Variants in MIDN observed in about 807,000 individuals in gnomAD.
MIDN encodes the protein midnolin.
A neutral mutation model predicts 46.1 loss-of-function variants in MIDN; 26 were observed. That is an observed-to-expected ratio of 0.56 (90% confidence interval 0.41 to 0.78). The LOEUF (loss-of-function observed/expected upper bound fraction) is 0.78. MIDN is among the 30% of genes least tolerant of loss of function. The probability of loss-of-function intolerance (pLI) is 0.00; values close to 1 mark genes in which losing one functional copy is unlikely to be tolerated. For missense variants in MIDN, 850 were observed against 771.8 expected, an observed-to-expected ratio of 1.10 and a Z score of -1.20; for synonymous variants, 432 against 343.3, an observed-to-expected ratio of 1.26 and a Z score of -2.86.
chr19:1,253,917 G>GGGCA lies in MIDN; in HGVS notation c.385-33_385-30dup, dbSNP rs896222460. 117 of 1,367,802 alleles carry GGGCA rather than the reference G, an allele frequency of 8.6e-5. No individual in the cohort carries two copies. In the Middle Eastern group the frequency reaches 1.1e-3, roughly 13 times the overall value. 84.7% of individuals were successfully genotyped at this position (1,367,802 alleles called of 1,614,324 possible). A position where few individuals can be genotyped will look rare whatever the true frequency, so the allele number is the denominator to read the frequency against. ...AAGACCGACCTAGTTGGCCAGGGAG[G>GGGCA]GGCAGGCCCCCGTCTGACCCGCCTC... On this transcript the variant is annotated intron_variant, in intron 4 of 8. Coordinates refer to ENST00000682408, the MANE Select transcript of MIDN (RefSeq NM_001388306.1).
chr19:1,253,244 G>T (rs1213667817), intron 4 of MIDN, among the ~76,000 whole-genome samples: 1 of 151,964 alleles, frequency 6.6e-6, no homozygotes, highest in African/African-American at 2.4e-5. Context: ...GGCCGGGCAG[G>T]CTGGGCCGCA....
At position 1,258,229 on chromosome 19, in the gene MIDN, C is replaced by T. The variant is rs146271397; in HGVS notation, c.*957C>T. On this transcript the variant is annotated 3_prime_UTR_variant, in exon 9 of 9. Coordinates refer to ENST00000682408, the MANE Select transcript of MIDN (RefSeq NM_001388306.1). ...ATGGCTGGGTGCTGGGGAGTTCCCC[C>T]CTCCGAGCCCTCCTTCCCGGCCCAA... 5.5e-3 allele frequency: 841 copies of T among 152,736 alleles called. 4 individuals are homozygous for T. The highest frequency in any genetic ancestry group is 0.014 in the Middle Eastern group (4 of 294). 9.5% of individuals were successfully genotyped at this position (152,736 alleles called of 1,614,324 possible).
chr19:1,254,139 C>G, intron 5 of MIDN, 28 bp from the exon 6 acceptor site: 1 of 1,579,812 alleles, frequency 6.3e-7, no homozygotes, highest in Non-Finnish European at 8.6e-7. Flanking sequence ...AGCTGGGGCT[C>G]CCAGCTGACG....
At chr19:1,249,032 C>A (rs1177121356) in intron 1 of MIDN, among the ~76,000 whole-genome samples, 2 of 151,986 alleles carry the variant, frequency 1.3e-5, no homozygotes, top group Non-Finnish European at 2.9e-5. Context: ...AGCGCGGCGC[C>A]CCCTCCCCGG....
intron 1 of MIDN, among the ~76,000 whole-genome samples, chr19:1,249,594 TGCGGGCGCGGGCGGGGCGGGG>T (rs1555747316): frequency 6.7e-6 from 1 of 148,352 alleles, no homozygotes; most frequent in African/African-American, 2.5e-5. Flanking sequence ...TATGAATGGC[TGCGGGCGCGGGCGGGGCGGGG>T]GCGGGCGCGG....
chr19:1,254,234 T>C lies in MIDN; in HGVS notation c.581T>C (p.Phe194Ser). The part of the protein sequence containing the change: ...LALRVGDHMM[F>S]VQLQLAAQHA... ...TTGCGTGTGGGCGACCACATGATGT[T>C]CGTGCAGCTGCAGCTCGCGGCCCAG... is the stretch of plus-strand genomic sequence containing the variant. The change falls in exon 6 of 9, where the codon TTC (phenylalanine) becomes TCC (serine). Residue 194 changes from phenylalanine to serine, a missense_variant. Transcript: ENST00000682408. 6.3e-7 allele frequency: 1 copy of C among 1,597,124 alleles called. No homozygotes were observed. The highest frequency in any genetic ancestry group is 8.5e-7 in the Non-Finnish European group (1 of 1,177,656).
Position 1,251,658 on chromosome 19 carries a change from C to T in MIDN, c.321+9C>T. ...TGGAAGCGGGCCTCATGGTAAATGG[C>T]CATGGGGCTGCGTGCCCCCAGAGGC... On this transcript the variant is annotated intron_variant, in intron 3 of 8. Coordinates refer to ENST00000682408, the MANE Select transcript of MIDN (RefSeq NM_001388306.1). 5 of 1,606,320 alleles carry T rather than the reference C, an allele frequency of 3.1e-6. No individual in the cohort carries two copies. The highest frequency in any genetic ancestry group is 4.2e-6 in the Non-Finnish European group (5 of 1,176,730).
intron 4 of MIDN, among the ~76,000 whole-genome samples, chr19:1,253,463 G>A (rs1031516359): frequency 2.0e-5 from 3 of 151,736 alleles, no homozygotes. Context: ...CAGGGCTCTG[G>A]CCCATACCCA....
rs202125258 is a variant in MIDN at position 1,251,908 on chromosome 19, C to T, written c.384+7C>T. 304 of 1,611,890 alleles carry T rather than the reference C, an allele frequency of 1.9e-4. No individual in the cohort carries two copies. The highest frequency in any genetic ancestry group is 2.4e-4 in the Non-Finnish European group (283 of 1,178,948). Reference sequence around the variant, plus strand: ...GAGTCTCACGGAGACGCAGGTAAGACCTCGCCAGCCCCTTCCTAACAGGGC... The same window carrying T: ...GAGTCTCACGGAGACGCAGGTAAGATCTCGCCAGCCCCTTCCTAACAGGGC... On this transcript the variant is annotated splice_region_variant and intron_variant, in intron 4 of 8. Coordinates refer to ENST00000682408, the MANE Select transcript of MIDN (RefSeq NM_001388306.1).
chr19:1,251,992 A>T, intron 4 of MIDN, 91 bp downstream of exon 4: 1 of 1,167,992 alleles, frequency 8.6e-7, no homozygotes. Context: ...CTGTGCTCCC[A>T]GGAGGCTGGG....
rs1224677681 is a variant in MIDN at position 1,254,276 on chromosome 19, A to G, written c.623A>G (p.His208Arg). 1.9e-6 allele frequency: 3 copies of G among 1,582,974 alleles called. No individual in the cohort carries two copies. The highest frequency in any genetic ancestry group is 4.6e-5 in the East Asian group (2 of 43,886). The stretch of plus-strand genomic sequence containing the variant: ...GCGGCCCAGCACGCTCCACTGCAAC[A>G]CCGCCATGTGCTGGCCGCTGCGGCC... Reference protein sequence around the residue: ...QLAAQHAPLQHRHVLAAAAAA... With the variant: ...QLAAQHAPLQRRHVLAAAAAA... Residue 208 changes from histidine (H) to arginine (R), a missense_variant, in exon 6 of 9, where the codon CAC (histidine) becomes CGC (arginine). Transcript: ENST00000682408.
intron 6 of MIDN, 122 bp downstream of exon 6, chr19:1,254,600 C>G: frequency 9.3e-7 from 1 of 1,075,798 alleles, no homozygotes; most frequent in South Asian, 1.4e-5. Context: ...TAAGGGCTAT[C>G]CTGTGACCTC....
intron 7 of MIDN, 146 bp from the exon 8 acceptor site, chr19:1,255,276 C>G (rs2081184909): frequency 8.3e-6 from 10 of 1,207,724 alleles, no homozygotes; most frequent in Non-Finnish European, 1.0e-5. Flanking sequence ...GGGGACGTGT[C>G]CCGCTCCCGC....
In MIDN at chr19:1,257,591, C is replaced by T. The variant is rs891881087; in HGVS notation, c.*319C>T. On this transcript the variant is annotated 3_prime_UTR_variant, in exon 9 of 9. Transcript: ENST00000682408. ...GTCGGTCCTCCCTGCCAACCTTCCC[C>T]AGCTCCAATATGTAGCAGTCTCTCT... 1.8e-5 allele frequency: 6 copies of T among 328,338 alleles called. No homozygotes were observed. Among genetic ancestry groups the T allele is most frequent in the Non-Finnish European group, 3.4e-5 (6 of 179,008 alleles). The allele number at this position is 328,338 out of a possible 1,614,324, so 20.3% of individuals were successfully genotyped here. A position where few individuals can be genotyped will look rare whatever the true frequency, so the allele number is the denominator to read the frequency against.
At chr19:1,255,289 C>T (rs1295213431) in intron 7 of MIDN, 133 bp from the exon 8 acceptor site, 9 of 1,261,056 alleles carry the variant, frequency 7.1e-6, no homozygotes, top group African/African-American at 1.5e-5. Context: ...GCTCCCGCCC[C>T]GTGGTCCCTC....
At position 1,254,179 on chromosome 19, in the gene MIDN, C is replaced by G. The variant is rs781181977; in HGVS notation, c.526C>G (p.Leu176Val). The G allele has an allele frequency of 6.3e-7, 1 of 1,596,676 alleles. No homozygotes were observed. Among genetic ancestry groups the G allele is most frequent in the Non-Finnish European group, 8.5e-7 (1 of 1,176,952 alleles). The change falls in exon 6 of 9, where the codon CTG becomes GTG. Residue 176 changes from leucine (L) to valine (V), a missense_variant. Physicochemically the swap from Leu to Val is conservative, Grantham distance 32. Transcript: ENST00000682408. The stretch of plus-strand genomic sequence containing the variant: ...GCTCTCCTTGCAGGTCAGTGACTTC[C>G]TGTCGGGCCGTTCGCCACTGACACT... ...GGERPQVSDF[L>V]SGRSPLTLAL...
chr19:1,257,163 G>A lies in MIDN; in HGVS notation c.1427G>A (p.Gly476Glu). The A allele has an allele frequency of 6.2e-7, 1 of 1,611,598 alleles. No individual in the cohort carries two copies. Among genetic ancestry groups the A allele is most frequent in the Non-Finnish European group, 8.5e-7 (1 of 1,179,238 alleles). ...KAGRSDSSSS[G>E]GGGSPSEASG... ...GGCCGCAGCGACAGCAGTAGCAGCGGGGGCGGCGGCAGCCCCAGCGAGGCC... is the reference window on the plus strand; with the variant it reads ...GGCCGCAGCGACAGCAGTAGCAGCGAGGGCGGCGGCAGCCCCAGCGAGGCC... Residue 476 changes from glycine (G) to glutamate (E), a missense_variant, in exon 9 of 9, where the codon GGG becomes GAG. Gly to Glu is a moderately conservative substitution (Grantham distance 98). Coordinates refer to ENST00000682408, the MANE Select transcript of MIDN (RefSeq NM_001388306.1).
In MIDN at chr19:1,254,323, G is replaced by C; in HGVS notation, c.670G>C (p.Asp224His). The C allele has an allele frequency of 6.4e-7, 1 of 1,570,584 alleles. No individual in the cohort carries two copies. The highest frequency in any genetic ancestry group is 8.6e-7 in the Non-Finnish European group (1 of 1,165,278). The change falls in exon 6 of 9, where the codon GAC (aspartate) becomes CAC (histidine). Residue 224 changes from aspartate to histidine, a missense_variant. Coordinates refer to ENST00000682408, the MANE Select transcript of MIDN (RefSeq NM_001388306.1). ...GGCCGCCGCCGCTGCTGCGCGGGGG[G>C]ACCCCAGCATAGCCTCCCCCGTGTC... is the stretch of plus-strand genomic sequence containing the variant. ...AAAAAAAARG[D>H]PSIASPVSSP...
At chr19:1,256,754 C>G (rs934543059) in intron 8 of MIDN, among the ~76,000 whole-genome samples, 8 of 152,136 alleles carry the variant, frequency 5.3e-5, no homozygotes, top group Non-Finnish European at 8.8e-5. Context: ...GTTGCCCAGG[C>G]CTGTCTCGAA....
Sources: gnomAD v4.1 joint callset for allele counts (sites outside exome capture counted in the v4.1 genomes callset) on GRCh38, gnomAD v4.1.1 for gene constraint, MANE v1.5 for transcripts, NCBI Gene and HGNC (gene_info 2026-07-23, HGNC 2026-07-21) for gene names.